Variants in ARHGEF11 observed in about 807,000 individuals in gnomAD.
ARHGEF11 encodes the protein Rho guanine exchange factor (GEF) 11.
A neutral mutation model predicts 193.7 loss-of-function variants in ARHGEF11; 55 were observed. The observed-to-expected ratio is 0.28, with a 90% CI of 0.23 to 0.36. The LOEUF (loss-of-function observed/expected upper bound fraction) is 0.36, where lower values mean the gene tolerates loss of function less well. ARHGEF11 is among the 10% of genes least tolerant of loss of function. The pLI is 1.00. For synonymous variants in ARHGEF11, 693 were observed against 768.0 expected, an observed-to-expected ratio of 0.90 and a Z score of 1.62; for missense variants, 1,723 against 2,005.6, an observed-to-expected ratio of 0.86 and a Z score of 2.69.
chr1:157,031,179 T>G (rs1217945212), intron 1 of ARHGEF11, among the ~76,000 whole-genome samples: 1 of 152,208 alleles, frequency 6.6e-6, no homozygotes, highest in Non-Finnish European at 1.5e-5. Flanking sequence ...CTGCCTAACA[T>G]TTAATATGTA....
chr1:157,045,818 G>C (rs1290053023), upstream of ARHGEF11, among the ~76,000 whole-genome samples: 2 of 150,732 alleles, frequency 1.3e-5, no homozygotes, highest in African/African-American at 4.8e-5. Context: ...GCGCAGGCCC[G>C]GCCGGCCGCC....
At chr1:157,032,114 G>GT (rs1216700834) in intron 1 of ARHGEF11, among the ~76,000 whole-genome samples, 3 of 152,094 alleles carry the variant, frequency 2.0e-5, no homozygotes, top group African/African-American at 7.2e-5. Flanking sequence ...AAAAAATCCT[G>GT]TAAGCCCACC....
At chr1:156,937,119 G>T in intron 39 of ARHGEF11, 114 bp from the exon 40 acceptor site, 1 of 1,565,314 alleles carries the variant, frequency 6.4e-7, no homozygotes, top group Non-Finnish European at 8.7e-7. Flanking sequence ...GTGGCTGGGC[G>T]GGCTGGGGGA....
At chr1:157,035,179 CTTAGGCCCCTCATT>C (rs1671756675) in intron 1 of ARHGEF11, among the ~76,000 whole-genome samples, 1 of 152,104 alleles carries the variant, frequency 6.6e-6, no homozygotes, top group Admixed American at 6.6e-5. Context: ...GGGATGAGCG[CTTAGGCCCCTCATT>C]TTTAACTACT....
chr1:156,996,772 CAAAAA>C (rs66730438), intron 1 of ARHGEF11, among the ~76,000 whole-genome samples: 2,372 of 38,556 alleles, frequency 0.062, 35 homozygotes, highest in South Asian at 0.14. Flanking sequence ...GACTCTGTCT[CAAAAA>C]AAAAAAAAAA....
chr1:156,974,885 G>C (rs78210491), intron 7 of ARHGEF11, among the ~76,000 whole-genome samples: 4,093 of 152,240 alleles, frequency 0.027, 72 homozygotes, highest in South Asian at 0.054. Context: ...TGTATGAACA[G>C]ACTATATTTT....
chr1:156,948,158 G>T lies in ARHGEF11; in HGVS notation c.2153+23C>A. On this transcript the variant is annotated intron_variant, in intron 24 of 40. Coordinates refer to ENST00000368194, the MANE Select transcript of ARHGEF11 (RefSeq NM_198236.3). This position sits in a 1 kb window ranked among gnomAD's most constrained non-coding sequence, Gnocchi z 4.2. ...TGGGACACAGAGACACCAAACAGAG[G>T]CACCACCGTGCCCATCACTTACCTG... 1 of 1,546,018 alleles carries T rather than the reference G, an allele frequency of 6.5e-7. No homozygotes were observed. Among genetic ancestry groups the T allele is most frequent in the Non-Finnish European group, 8.7e-7 (1 of 1,144,556 alleles).
In ARHGEF11 at chr1:156,958,884, G is replaced by A. The variant is rs1557859904; in HGVS notation, c.1380-20C>T. On this transcript the variant is annotated intron_variant, in intron 16 of 40. Transcript: ENST00000368194. ...TTCGTTCTAAGCCAGATAAACACAGGGAAAGAAAGAAATATACACAAATAC... is the reference window on the plus strand; with the variant it reads ...TTCGTTCTAAGCCAGATAAACACAGAGAAAGAAAGAAATATACACAAATAC... 2.5e-6 allele frequency: 4 copies of A among 1,613,918 alleles called. No individual in the cohort carries two copies. Among genetic ancestry groups the A allele is most frequent in the Non-Finnish European group, 3.4e-6 (4 of 1,179,956 alleles).
At chr1:156,969,921 C>T (rs932774554) in intron 9 of ARHGEF11, 77 bp downstream of exon 9, 2 of 1,425,744 alleles carry the variant, frequency 1.4e-6, no homozygotes, top group African/African-American at 1.4e-5. Context: ...CTGGAATCTG[C>T]CCCATGGGGA....
chr1:156,962,495 GA>G (rs752497621), intron 13 of ARHGEF11, among the ~76,000 whole-genome samples: 3 of 152,086 alleles, frequency 2.0e-5, no homozygotes, highest in African/African-American at 2.4e-5. Context: ...CCTTCACACG[GA>G]AGACCCTTTA....
At chr1:156,955,856 G>T in intron 19 of ARHGEF11, 57 bp from the exon 20 acceptor site, 1 of 1,359,282 alleles carries the variant, frequency 7.4e-7, no homozygotes, top group Non-Finnish European at 1.1e-6. Context: ...AGGCGTGGCT[G>T]CTAATCAATT....
At chr1:157,015,280 T>C (rs1669071955) in intron 1 of ARHGEF11, among the ~76,000 whole-genome samples, 1 of 152,202 alleles carries the variant, frequency 6.6e-6, no homozygotes, top group Non-Finnish European at 1.5e-5. Flanking sequence ...CTAGTTCTAC[T>C]ACTTACCAGC....
In ARHGEF11 at chr1:156,969,994, T is replaced by G. The variant is rs768504536; in HGVS notation, c.748+4A>C. On this transcript the variant is annotated splice_donor_region_variant and intron_variant, in intron 9 of 40. Coordinates refer to ENST00000368194, the MANE Select transcript of ARHGEF11 (RefSeq NM_198236.3). ...AGAGAAAAAAGGGGTGATGGGGGAC[T>G]TACCTTCTGATGGTCTCTGGCTGGT... The G allele has an allele frequency of 1.2e-6, 2 of 1,613,994 alleles. No homozygotes were observed. The highest frequency in any genetic ancestry group is 1.7e-6 in the Non-Finnish European group (2 of 1,179,892).
intron 10 of ARHGEF11, among the ~76,000 whole-genome samples, chr1:156,968,596 G>GT (rs2102274811): frequency 6.6e-6 from 1 of 152,302 alleles, no homozygotes; most frequent in South Asian, 2.1e-4. Flanking sequence ...GGACAGGGCA[G>GT]TAAGAAAATA....
At chr1:156,958,406 C>T (rs1470038776) in intron 17 of ARHGEF11, among the ~76,000 whole-genome samples, 2 of 152,204 alleles carry the variant, frequency 1.3e-5, no homozygotes, top group Non-Finnish European at 2.9e-5. Flanking sequence ...CATCACTGGC[C>T]TCACTCTCTG....
At position 156,961,758 on chromosome 1, in the gene ARHGEF11, T is replaced by C. The variant is rs752773914; in HGVS notation, c.1158A>G (p.Ala386=). 2 of 1,614,184 alleles carry C rather than the reference T, an allele frequency of 1.2e-6. No homozygotes were observed. Among genetic ancestry groups the C allele is most frequent in the Non-Finnish European group, 1.7e-6 (2 of 1,179,994 alleles). Residue 386 remains alanine, a synonymous_variant, in exon 14 of 41, where the codon GCA becomes GCG. Coordinates refer to ENST00000368194, the MANE Select transcript of ARHGEF11 (RefSeq NM_198236.3). ...DPSPLLFYLC[A]EVYQQASPKD... ...TGGGGCTTGCCTGCTGATAAACTTC[T>C]GCACACAGGTAAAAAAGCTAGGAGG...
intron 1 of ARHGEF11, among the ~76,000 whole-genome samples, chr1:157,039,154 C>T (rs192746476): frequency 7.9e-4 from 120 of 152,278 alleles, no homozygotes; most frequent in Non-Finnish European, 1.3e-3. Flanking sequence ...CAGCTTTGTT[C>T]TCTGTTCTTT....
chr1:156,961,710 T>C lies in ARHGEF11; in HGVS notation c.1206A>G (p.Lys402=), dbSNP rs1244561329. 6.2e-7 allele frequency: 1 copy of C among 1,614,222 alleles called. No homozygotes were observed. The highest frequency in any genetic ancestry group is 2.2e-5 in the East Asian group (1 of 44,888). The change falls in exon 14 of 41, where the codon AAA becomes AAG. Residue 402 remains lysine, a synonymous_variant. Transcript: ENST00000368194. ...TCTCCAGGAAAATATTCCAGATGTCTTTCCCCAAGCTTCGGGAATCCTTGG... is the reference window on the plus strand; with the variant it reads ...TCTCCAGGAAAATATTCCAGATGTCCTTCCCCAAGCTTCGGGAATCCTTGG... The part of the protein sequence containing the change: ...ASPKDSRSLG[K]DIWNIFLEKN...
In ARHGEF11 at chr1:156,937,354, A is replaced by T; in HGVS notation, c.4335T>A (p.Asp1445Glu). The change falls in exon 39 of 41, where the codon GAT becomes GAA. Residue 1445 changes from aspartate (D) to glutamate (E), a missense_variant. Asp to Glu is a conservative substitution (Grantham distance 45). Transcript: ENST00000368194. ...EPQPQLQGGN[D>E]DPRRPSRSPP... ...GAGAGCGGCTGGGGCGTCTTGGATCATCGTTGCCTCCCTGCAGCTGAGGCT... is the reference window on the plus strand; with the variant it reads ...GAGAGCGGCTGGGGCGTCTTGGATCTTCGTTGCCTCCCTGCAGCTGAGGCT... 1.9e-6 allele frequency: 3 copies of T among 1,612,770 alleles called. No individual in the cohort carries two copies. Among genetic ancestry groups the T allele is most frequent in the Non-Finnish European group, 1.7e-6 (2 of 1,179,376 alleles).
Sources: gnomAD v4.1 joint callset for allele counts (sites outside exome capture counted in the v4.1 genomes callset) on GRCh38, gnomAD v4.1.1 for gene constraint, Gnocchi (gnomAD v3.1) non-coding constraint, MANE v1.5 for transcripts, NCBI Gene and HGNC (gene_info 2026-07-23, HGNC 2026-07-21) for gene names.